Variants in TRIM37 observed in about 807,000 individuals in gnomAD.
TRIM37 encodes tripartite motif containing 37, also known as E3 ubiquitin-protein ligase TRIM37.
Under a neutral mutation model 129.8 loss-of-function variants are expected in TRIM37, and 80 were observed. That is an observed-to-expected ratio of 0.62 (90% CI 0.51 to 0.74). The LOEUF (loss-of-function observed/expected upper bound fraction) is 0.74, where lower values mean the gene tolerates loss of function less well. Ranked by LOEUF, TRIM37 falls within the 30% of genes least tolerant of loss-of-function variation. The pLI, the probability that TRIM37 is intolerant of heterozygous loss-of-function variation, is 0.00. For synonymous variants in TRIM37, 389 were observed against 387.1 expected (o/e 1.00, Z -0.06); for missense variants, 1,054 against 1,176.5 (o/e 0.90, Z 1.52).
At chr17:59,069,407 T>C (rs2042185104) in intron 9 of TRIM37, among the ~76,000 whole-genome samples, 1 of 151,798 alleles carries the variant, frequency 6.6e-6, no homozygotes, top group African/African-American at 2.4e-5. Flanking sequence ...CAATGAATGC[T>C]CTGTGGTCAT....
chr17:58,976,326 A>C, the TRIM37 span, among the ~76,000 whole-genome samples: 1 of 152,150 alleles, frequency 6.6e-6, no homozygotes, highest in African/African-American at 2.4e-5. Context: ...GAATTGAGAA[A>C]ATTCAAGCCT....
intron 1 of TRIM37, among the ~76,000 whole-genome samples, chr17:59,104,832 CT>C (rs1368178865): frequency 6.6e-6 from 1 of 152,068 alleles, no homozygotes; most frequent in African/African-American, 2.4e-5. Context: ...TGGTTCATTA[CT>C]GTAATCCTAG....
At chr17:59,092,523 T>C (rs919274386) in intron 2 of TRIM37, among the ~76,000 whole-genome samples, 1 of 152,022 alleles carries the variant, frequency 6.6e-6, no homozygotes, top group African/African-American at 2.4e-5. Context: ...CCAAAAATTA[T>C]ATTAATAATT....
In TRIM37 at chr17:59,081,343, T is replaced by G. The variant is rs1265689794; in HGVS notation, c.370-124A>C. The G allele has an allele frequency of 1.5e-5, 21 of 1,390,956 alleles. No individual in the cohort carries two copies. The Admixed American group carries it at 3.8e-4, about 25-fold the overall frequency. The allele number at this position is 1,390,956 out of a possible 1,614,324, so 86.2% of individuals were successfully genotyped here. Reference sequence around the variant, plus strand: ...CTCAAATGAACTTTACCTTATTAGCTAATTTAATTTTGTTGAAGCAGGCCA... The same window carrying G: ...CTCAAATGAACTTTACCTTATTAGCGAATTTAATTTTGTTGAAGCAGGCCA... On this transcript the variant is annotated intron_variant, in intron 5 of 23. Transcript: ENST00000262294.
At chr17:59,012,968 T>C (rs1047056660) in intron 21 of TRIM37, among the ~76,000 whole-genome samples, 9 of 152,098 alleles carry the variant, frequency 5.9e-5, no homozygotes, top group African/African-American at 1.7e-4. Context: ...GGTTGTGATA[T>C]TGTACTACAG....
intron 22 of TRIM37, among the ~76,000 whole-genome samples, chr17:59,005,177 C>A (rs1212223821): frequency 6.6e-6 from 1 of 152,212 alleles, no homozygotes; most frequent in Admixed American, 6.5e-5. Flanking sequence ...CAAATACCAA[C>A]CTTCAGGATT....
chr17:58,998,389 C>T lies in TRIM37; in HGVS notation c.*988G>A. On this transcript the variant is annotated 3_prime_UTR_variant, in exon 24 of 24. Transcript: ENST00000262294. ...CATGCTTTTTCAATAGTCTCTTAGT[C>T]AACTTTCAGTGTAATTTCCACAAAT... The T allele has an allele frequency of 1.0e-6, 1 of 985,278 alleles. No individual in the cohort carries two copies. The highest frequency in any genetic ancestry group is 1.2e-6 in the Non-Finnish European group (1 of 829,908). 61.0% of individuals were successfully genotyped at this position (985,278 alleles called of 1,614,324 possible). A position where few individuals can be genotyped will look rare whatever the true frequency, so the allele number is the denominator to read the frequency against.
chr17:59,083,243 C>A (rs2043457928), intron 5 of TRIM37, among the ~76,000 whole-genome samples: 1 of 152,092 alleles, frequency 6.6e-6, no homozygotes, highest in Non-Finnish European at 1.5e-5. Flanking sequence ...CAAGACCAGC[C>A]TGACCAACAT....
At chr17:58,974,216 G>A in the TRIM37 span, among the ~76,000 whole-genome samples, 1 of 152,128 alleles carries the variant, frequency 6.6e-6, no homozygotes, top group Non-Finnish European at 1.5e-5. Flanking sequence ...GCCTTTCTCC[G>A]TATTTTATCC....
intron 16 of TRIM37, among the ~76,000 whole-genome samples, chr17:59,045,733 C>T (rs1259605996): frequency 6.6e-6 from 1 of 151,456 alleles, no homozygotes; most frequent in African/African-American, 2.4e-5. Context: ...ATCCAAAAAT[C>T]GCCAGGCACA....
intron 12 of TRIM37, among the ~76,000 whole-genome samples, chr17:59,058,436 G>A (rs954938579): frequency 6.6e-6 from 1 of 152,094 alleles, no homozygotes; most frequent in African/African-American, 2.4e-5. Context: ...TTGGGTACTG[G>A]GCTTAATTCC....
intron 19 of TRIM37, among the ~76,000 whole-genome samples, chr17:59,024,158 G>A (rs1164906537): frequency 1.4e-5 from 2 of 145,318 alleles, no homozygotes; most frequent in African/African-American, 5.1e-5. Flanking sequence ...AGGTTGCAGT[G>A]AGCCGAGATC....
intron 5 of TRIM37, among the ~76,000 whole-genome samples, chr17:59,082,802 C>T (rs1462059131): frequency 6.6e-6 from 1 of 152,170 alleles, no homozygotes; most frequent in African/African-American, 2.4e-5. Flanking sequence ...TAGATTTTTA[C>T]ATGTTCACTT....
At chr17:59,070,776 T>C in intron 9 of TRIM37, 47 bp downstream of exon 9, 1 of 1,597,366 alleles carries the variant, frequency 6.3e-7, no homozygotes, top group Non-Finnish European at 8.6e-7. Flanking sequence ...GTATATGCAT[T>C]TCCACATAAA....
chr17:59,047,865 A>T (rs1363061272), intron 15 of TRIM37, 46 bp from the exon 16 acceptor site: 1 of 1,610,054 alleles, frequency 6.2e-7, no homozygotes, highest in Admixed American at 1.7e-5. Flanking sequence ...AAATGTTTCT[A>T]CTCAGTTGAT....
At chr17:59,099,290 G>C (rs191913702) in intron 2 of TRIM37, among the ~76,000 whole-genome samples, 3 of 152,012 alleles carry the variant, frequency 2.0e-5, no homozygotes, top group Non-Finnish European at 4.4e-5. Context: ...CAGTAGTCTC[G>C]TAAGATTAGA....
At chr17:58,980,028 T>C, downstream of TRIM37, 1 of 1,614,124 alleles carries the variant, frequency 6.2e-7, no homozygotes, top group Non-Finnish European at 8.5e-7. The surrounding 1 kb of genome is among the most constrained non-coding windows in gnomAD (Gnocchi z 4.7). Flanking sequence ...GCCTCCACTG[T>C]TCTGGATGGG....
intron 2 of TRIM37, among the ~76,000 whole-genome samples, chr17:59,092,156 G>A (rs934481894): frequency 2.6e-5 from 4 of 152,066 alleles, no homozygotes; most frequent in African/African-American, 9.7e-5. Context: ...AATTTGGGAG[G>A]CCAAGGTGGG....
chr17:59,057,189 T>C, intron 12 of TRIM37, 135 bp from the exon 13 acceptor site: 1 of 767,512 alleles, frequency 1.3e-6, no homozygotes, highest in Non-Finnish European at 2.1e-6. Context: ...ATTTCTTTTA[T>C]CATTTATAAA....
Sources: gnomAD v4.1 joint callset for allele counts (sites outside exome capture counted in the v4.1 genomes callset) on GRCh38, gnomAD v4.1.1 for gene constraint, Gnocchi (gnomAD v3.1) non-coding constraint, MANE v1.5 for transcripts, NCBI Gene and HGNC (gene_info 2026-07-23, HGNC 2026-07-21) for gene names.